The following IFNL2 variants were observed in gnomAD, a reference collection of about 807,000 sequenced individuals.
The protein encoded by IFNL2 is interferon lambda-2.
Under a neutral mutation model 18.7 loss-of-function variants are expected in IFNL2, and 17 were observed. The observed-to-expected ratio is 0.91, with a 90% CI of 0.62 to 1.36. The LOEUF (loss-of-function observed/expected upper bound fraction) is 1.36, where lower values mean the gene tolerates loss of function less well. Among genes scored for constraint, IFNL2 ranks in the 40% most tolerant of loss-of-function variants. IFNL2 has a pLI of 0.00. For synonymous variants in IFNL2, 96 were observed against 113.4 expected (o/e 0.85, Z 0.98); for missense variants, 225 against 257.3 (o/e 0.87, Z 0.86).
rs2075030993 is a variant in IFNL2 at position 39,270,133 on chromosome 19, A to G, written c.*120A>G. 8.7e-7 allele frequency: 1 copy of G among 1,151,598 alleles called. No homozygotes were observed. Among genetic ancestry groups the G allele is most frequent in the African/African-American group, 1.6e-5 (1 of 64,032 alleles). The allele number at this position is 1,151,598 out of a possible 1,614,324, so 71.3% of individuals were successfully genotyped here. On this transcript the variant is annotated 3_prime_UTR_variant, in exon 6 of 6. Transcript: ENST00000331982. ...TGTAAATCCAACTCACCTCCAGGAA[A>G]ATGTTTATTTTTCTACTTTTTATAA... is the stretch of plus-strand genomic sequence containing the variant.
chr19:39,268,521 T>C lies in IFNL2; in HGVS notation c.-48T>C, dbSNP rs574588930. 4 of 1,582,136 alleles carry C rather than the reference T, an allele frequency of 2.5e-6. No homozygotes were observed. In the African/African-American group the frequency reaches 4.1e-5, roughly 16 times the overall value. ...AGACAAGACCCAAACAGACCCTGGG[T>C]GACAGCCTCAGAGTGTTTCTTCTGC... On this transcript the variant is annotated 5_prime_UTR_variant, in exon 1 of 6. Transcript: ENST00000331982.
chr19:39,269,748 A>G lies in IFNL2; in HGVS notation c.431A>G (p.Gln144Arg). 1 of 1,608,748 alleles carries G rather than the reference A, an allele frequency of 6.2e-7. No individual in the cohort carries two copies. The highest frequency in any genetic ancestry group is 1.1e-5 in the South Asian group (1 of 89,860). ...CTCCTCTGCCCACAGATCCAGCCTC[A>G]GCCCACGGCAGGGCCCAGGACCCGG... ...LSQFRACIQPQPTAGPRTRGR... is the reference protein window; with the variant it reads ...LSQFRACIQPRPTAGPRTRGR... The change falls in exon 5 of 6, where the codon CAG becomes CGG. Residue 144 changes from glutamine to arginine, a missense_variant. Gln to Arg is a conservative substitution (Grantham distance 43). Transcript: ENST00000331982.
rs748758261 is a variant in IFNL2 at position 39,269,133 on chromosome 19, C to T, written c.193-19C>T. 42 of 1,609,498 alleles carry T rather than the reference C, an allele frequency of 2.6e-5. No individual in the cohort carries two copies. The highest frequency in any genetic ancestry group is 1.9e-4 in the Middle Eastern group (1 of 5,318). ...CTCCACCCCTCCTGCTGGGGCTAAC[C>T]TGTGCCTTTGCTGTCTAGGAAGAGT... On this transcript the variant is annotated intron_variant, in intron 2 of 5. Transcript: ENST00000331982.
Position 39,268,875 on chromosome 19 carries a change from C to T in IFNL2, c.192+17C>T. ...GATGCCTTAGTGAGTCTCCCCCTGC[C>T]CTCCTGCCATGGACTAGCCTCCACC... On this transcript the variant is annotated intron_variant, in intron 2 of 5. Coordinates refer to ENST00000331982, the MANE Select transcript of IFNL2 (RefSeq NM_172138.2). 4 of 1,604,382 alleles carry T rather than the reference C, an allele frequency of 2.5e-6. No homozygotes were observed. Among genetic ancestry groups the T allele is most frequent in the Non-Finnish European group, 3.4e-6 (4 of 1,173,476 alleles).
At position 39,269,946 on chromosome 19, in the gene IFNL2, C is replaced by T; in HGVS notation, c.536C>T (p.Thr179Ile). The change falls in exon 6 of 6, where the codon ACC (threonine) becomes ATC (isoleucine). Residue 179 changes from threonine (T) to isoleucine (I), a missense_variant. Coordinates refer to ENST00000331982, the MANE Select transcript of IFNL2 (RefSeq NM_172138.2). ...CCTGGCTGCCTCGAGGCCTCTGTCA[C>T]CTTCAACCTCTTCCGCCTCCTCACG... ...ESPGCLEASV[T>I]FNLFRLLTRD... 6.2e-7 allele frequency: 1 copy of T among 1,604,166 alleles called. No individual in the cohort carries two copies. Among genetic ancestry groups the T allele is most frequent in the African/African-American group, 1.3e-5 (1 of 74,742 alleles).
rs753499684 is a variant in IFNL2, at chr19:39,269,223, G to A, written c.264G>A (p.Gln88=). ...RLFPRTWDLR[Q]LQVRERPMAL... The stretch of plus-strand genomic sequence containing the variant: ...TCCCCAGGACCTGGGACCTGAGGCA[G>A]CTGCAGGTGAGAGGGGGAGTCAGGC... The change falls in exon 3 of 6, where the codon CAG becomes CAA. Residue 88 remains glutamine (Q), a synonymous_variant. Coordinates refer to ENST00000331982, the MANE Select transcript of IFNL2 (RefSeq NM_172138.2). 18 of 1,610,500 alleles carry A rather than the reference G, an allele frequency of 1.1e-5. No homozygotes were observed. Among genetic ancestry groups the A allele is most frequent in the Non-Finnish European group, 1.4e-5 (17 of 1,178,578 alleles).
At position 39,268,742 on chromosome 19, in the gene IFNL2, G is replaced by A. The variant is rs758240436; in HGVS notation, c.76G>A (p.Val26Ile). ...MAAVLTVTGA[V>I]PVARLHGALP... ...CGCAGTGCTGACCGTGACTGGAGCA[G>A]TTCCTGTCGCCAGGCTCCACGGGGC... The change falls in exon 2 of 6, where the codon GTT becomes ATT. Residue 26 changes from valine to isoleucine, a missense_variant. Transcript: ENST00000331982. 6.2e-7 allele frequency: 1 copy of A among 1,613,300 alleles called. No homozygotes were observed. The highest frequency in any genetic ancestry group is 8.5e-7 in the Non-Finnish European group (1 of 1,179,860).
At position 39,268,663 on chromosome 19, in the gene IFNL2, T is replaced by G; in HGVS notation, c.11-14T>G. The stretch of plus-strand genomic sequence containing the variant: ...CTCTCCATCCCCTCAGCTCCCTTTC[T>G]CTCTGTGACACAGACATGACTGGGG... On this transcript the variant is annotated splice_polypyrimidine_tract_variant and intron_variant, in intron 1 of 5. Transcript: ENST00000331982. 6.2e-7 allele frequency: 1 copy of G among 1,613,746 alleles called. No individual in the cohort carries two copies. Among genetic ancestry groups the G allele is most frequent in the Non-Finnish European group, 8.5e-7 (1 of 1,179,860 alleles).
chr19:39,269,496 G>GCGC lies in IFNL2; in HGVS notation c.281_283dup (p.Arg94dup). On this transcript the variant is annotated inframe_insertion, in exon 4 of 6. Transcript: ENST00000331982. ...TTCTCACCTCTCCTCAGGTGAGGGA[G>GCGC]CGCCCCATGGCTTTGGAGGCTGAGC... The GCGC allele has an allele frequency of 6.2e-7, 1 of 1,614,040 alleles. No homozygotes were observed. Among genetic ancestry groups the GCGC allele is most frequent in the Non-Finnish European group, 8.5e-7 (1 of 1,180,054 alleles).
At position 39,269,242 on chromosome 19, in the gene IFNL2, G is replaced by T. The variant is rs747541240; in HGVS notation, c.270+13G>T. ...GAGGCAGCTGCAGGTGAGAGGGGGA[G>T]TCAGGCCCACCCCTGCTCTCCCAGC... On this transcript the variant is annotated intron_variant, in intron 3 of 5. Coordinates refer to ENST00000331982, the MANE Select transcript of IFNL2 (RefSeq NM_172138.2). 1.5e-4 allele frequency: 242 copies of T among 1,605,290 alleles called. No individual in the cohort carries two copies. The highest frequency in any genetic ancestry group is 5.1e-6 in the Non-Finnish European group (6 of 1,176,006).
rs773332707 is a variant in IFNL2 at position 39,269,494 on chromosome 19, G to C, written c.277G>C (p.Glu93Gln). 3.1e-6 allele frequency: 5 copies of C among 1,614,128 alleles called. No individual in the cohort carries two copies. In the Admixed American group the frequency reaches 6.7e-5, roughly 22 times the overall value. Residue 93 changes from glutamate (E) to glutamine (Q), a missense_variant, in exon 4 of 6, where the codon GAG (glutamate) becomes CAG (glutamine). Physicochemically the swap from Glu to Gln is conservative, Grantham distance 29 (BLOSUM62 2). Transcript: ENST00000331982. Reference sequence around the variant, plus strand: ...CTTTCTCACCTCTCCTCAGGTGAGGGAGCGCCCCATGGCTTTGGAGGCTGA... The same window carrying C: ...CTTTCTCACCTCTCCTCAGGTGAGGCAGCGCCCCATGGCTTTGGAGGCTGA... ...TWDLRQLQVR[E>Q]RPMALEAELA...
chr19:39,269,291 GC>G, intron 3 of IFNL2, 62 bp downstream of exon 3: 1 of 1,545,658 alleles, frequency 6.5e-7, no homozygotes, highest in Non-Finnish European at 8.8e-7. Context: ...CTCTGTAGTG[GC>G]CCCTTCACCG....
In IFNL2 at chr19:39,268,424, A is replaced by T; in HGVS notation, c.-145A>T. 1 of 743,672 alleles carries T rather than the reference A, an allele frequency of 1.3e-6. No individual in the cohort carries two copies. The highest frequency in any genetic ancestry group is 2.2e-6 in the Non-Finnish European group (1 of 445,490). The allele number at this position is 743,672 out of a possible 1,614,324, so 46.1% of individuals were successfully genotyped here. Reference sequence around the variant, plus strand: ...AATTACATCCCAGACAGAGCTCAAAACTGACAGAAAGAGTCAAAGCCAGGA... The same window carrying T: ...AATTACATCCCAGACAGAGCTCAAATCTGACAGAAAGAGTCAAAGCCAGGA... On this transcript the variant is annotated 5_prime_UTR_variant, in exon 1 of 6. Coordinates refer to ENST00000331982, the MANE Select transcript of IFNL2 (RefSeq NM_172138.2).
Position 39,269,723 on chromosome 19 carries a change from C to T in IFNL2, c.421-15C>T, listed in dbSNP as rs1404833328. 1.2e-6 allele frequency: 2 copies of T among 1,606,350 alleles called. No homozygotes were observed. The highest frequency in any genetic ancestry group is 1.7e-4 in the Middle Eastern group (1 of 5,762). ...CCAAGGCCCCGGCTCACACACCGCCCTCCTCTGCCCACAGATCCAGCCTCA... is the reference window on the plus strand; with the variant it reads ...CCAAGGCCCCGGCTCACACACCGCCTTCCTCTGCCCACAGATCCAGCCTCA... On this transcript the variant is annotated splice_polypyrimidine_tract_variant and intron_variant, in intron 4 of 5. Coordinates refer to ENST00000331982, the MANE Select transcript of IFNL2 (RefSeq NM_172138.2).
At chr19:39,269,456 C>G (rs1231506188) in intron 3 of IFNL2, 32 bp from the exon 4 acceptor site, 4 of 1,612,576 alleles carry the variant, frequency 2.5e-6, no homozygotes, top group East Asian at 2.2e-5. Flanking sequence ...CCTCACCTCC[C>G]CCCTCACCTG....
intron 2 of IFNL2, 108 bp downstream of exon 2, chr19:39,268,966 C>G (rs1283876920): frequency 7.0e-7 from 1 of 1,428,944 alleles, no homozygotes; most frequent in Non-Finnish European, 9.5e-7. Context: ...CTCCACCCTC[C>G]CTGCAGTGGG....
chr19:39,268,626 T>G (rs771655597), intron 1 of IFNL2, 48 bp downstream of exon 1: 3 of 1,613,774 alleles, frequency 1.9e-6, no homozygotes, highest in Non-Finnish European at 2.5e-6. Context: ...GCCCCTGCCC[T>G]CAGTGGGCAG....
In IFNL2 at chr19:39,269,530, A is replaced by G. The variant is rs1428889617; in HGVS notation, c.313A>G (p.Thr105Ala). 6.2e-7 allele frequency: 1 copy of G among 1,614,086 alleles called. No homozygotes were observed. Among genetic ancestry groups the G allele is most frequent in the Non-Finnish European group, 8.5e-7 (1 of 1,179,998 alleles). The change falls in exon 4 of 6, where the codon ACG becomes GCG. Residue 105 changes from threonine (T) to alanine (A), a missense_variant. By Grantham distance (58) the Thr-to-Ala change is moderately conservative. Coordinates refer to ENST00000331982, the MANE Select transcript of IFNL2 (RefSeq NM_172138.2). ...PMALEAELAL[T>A]LKVLEATADT... The stretch of plus-strand genomic sequence containing the variant: ...GGCTTTGGAGGCTGAGCTGGCCCTG[A>G]CGCTGAAGGTTCTGGAGGCCACCGC...
chr19:39,269,851 G>C (rs770628802), intron 5 of IFNL2, 30 bp downstream of exon 5: 25 of 1,608,624 alleles, frequency 1.6e-5, no homozygotes, highest in Non-Finnish European at 1.9e-5. Context: ...AGGGACTGAG[G>C]TCTGGGGAGC....
Sources: gnomAD v4.1 joint callset for allele counts on GRCh38, gnomAD v4.1.1 for gene constraint, MANE v1.5 for transcripts, NCBI Gene and HGNC (gene_info 2026-07-23, HGNC 2026-07-21) for gene names.